DLG2: variants seen among roughly 807,000 people sequenced by gnomAD.
DLG2 encodes the protein disks large homolog 2.
A neutral mutation model predicts 132.5 loss-of-function variants in DLG2; 45 were observed. That is an observed-to-expected ratio of 0.34 (90% CI 0.27 to 0.44). The LOEUF (loss-of-function observed/expected upper bound fraction) is 0.44, where lower values mean the gene tolerates loss of function less well. Ranked by LOEUF, DLG2 falls within the 20% of genes least tolerant of loss-of-function variation. The probability of loss-of-function intolerance (pLI) is 1.00; values close to 1 mark genes in which losing one functional copy is unlikely to be tolerated. For missense variants in DLG2, 1,045 were observed against 1,196.9 expected, an observed-to-expected ratio of 0.87 and a Z score of 1.87; for synonymous variants, 424 against 419.6, an observed-to-expected ratio of 1.01 and a Z score of -0.13.
chr11:85,222,419 A>G (rs2074707775), intron 4 of DLG2, among the ~76,000 whole-genome samples: 1 of 152,100 alleles, frequency 6.6e-6, no homozygotes, highest in Admixed American at 6.6e-5. Flanking sequence ...AAAAACACCC[A>G]CTCTTCTGGA....
chr11:83,624,658 A>G (rs1052500594), intron 19 of DLG2, among the ~76,000 whole-genome samples: 7 of 152,212 alleles, frequency 4.6e-5, no homozygotes, highest in African/African-American at 1.7e-4. Flanking sequence ...ATTCAGTTTA[A>G]CGTCATCCTA....
At chr11:83,974,459 G>A (rs948209533) in intron 12 of DLG2, among the ~76,000 whole-genome samples, 108 of 5,308 alleles carry the variant, frequency 0.02, no homozygotes, top group East Asian at 0.25. Context: ...ACTAGTTTTA[G>A]GTGTTTTGTT....
intron 16 of DLG2, among the ~76,000 whole-genome samples, chr11:83,854,515 G>A (rs768356088): frequency 2.6e-5 from 4 of 151,976 alleles, no homozygotes; most frequent in Non-Finnish European, 5.9e-5. Flanking sequence ...AGACAAACAT[G>A]GTGCTAGAAC....
At chr11:85,268,430 T>C (rs899622421) in intron 4 of DLG2, among the ~76,000 whole-genome samples, 44 of 152,180 alleles carry the variant, frequency 2.9e-4, no homozygotes, top group Admixed American at 8.5e-4. Context: ...ACTTCTTACA[T>C]ATATTGATTG....
At chr11:84,579,974 T>C (rs548395201) in intron 6 of DLG2, among the ~76,000 whole-genome samples, 5 of 152,242 alleles carry the variant, frequency 3.3e-5, no homozygotes, top group East Asian at 3.9e-4. Flanking sequence ...AAGGTGCCAC[T>C]CACCATGAAA....
At chr11:84,794,925 C>A (rs1168147460) in intron 6 of DLG2, among the ~76,000 whole-genome samples, 1 of 152,198 alleles carries the variant, frequency 6.6e-6, no homozygotes, top group Non-Finnish European at 1.5e-5. Flanking sequence ...GTGCCGTGGG[C>A]ACCATCGATA....
At chr11:83,824,255 T>TA (rs1007325007) in intron 17 of DLG2, among the ~76,000 whole-genome samples, 2 of 152,148 alleles carry the variant, frequency 1.3e-5, no homozygotes, top group African/African-American at 4.8e-5. Context: ...CCTTCTTACT[T>TA]CCCCAGGCTG....
chr11:83,586,601 T>C (rs1275256495), intron 19 of DLG2, among the ~76,000 whole-genome samples: 1 of 152,252 alleles, frequency 6.6e-6, no homozygotes, highest in African/African-American at 2.4e-5. Context: ...TCAAAATTAA[T>C]AGCCAGTATT....
chr11:85,334,512 G>A (rs865915686), intron 3 of DLG2, among the ~76,000 whole-genome samples: 1 of 151,942 alleles, frequency 6.6e-6, no homozygotes, highest in African/African-American at 2.4e-5. Context: ...GTTTCTCTAG[G>A]TATAGTGTTA....
intron 19 of DLG2, chr11:83,632,897 A>C (rs2063815554): frequency 3.2e-6 from 1 of 307,858 alleles, no homozygotes; most frequent in African/African-American, 2.1e-5. Context: ...GGTTTGGTCC[A>C]CATATGCCAT....
At chr11:83,890,649 G>A (rs531430666) in intron 15 of DLG2, among the ~76,000 whole-genome samples, 1 of 152,262 alleles carries the variant, frequency 6.6e-6, no homozygotes, top group East Asian at 1.9e-4. Context: ...GTAAATAATA[G>A]TACCTTTTCA....
chr11:84,308,627 C>G (rs1207762718), intron 7 of DLG2, among the ~76,000 whole-genome samples: 4 of 152,178 alleles, frequency 2.6e-5, no homozygotes, highest in Non-Finnish European at 5.9e-5. Context: ...GAGGCTCCGG[C>G]CGCACAGGAG....
intron 7 of DLG2, among the ~76,000 whole-genome samples, chr11:84,371,410 C>A (rs1417762876): frequency 2.6e-5 from 4 of 151,974 alleles, no homozygotes; most frequent in African/African-American, 9.7e-5. Context: ...TGTGCACCAC[C>A]AAGCCTGGCT....
chr11:85,223,600 C>G (rs1256338282), intron 4 of DLG2, among the ~76,000 whole-genome samples: 3 of 152,128 alleles, frequency 2.0e-5, no homozygotes, highest in Non-Finnish European at 2.9e-5. Context: ...AATAATGCCA[C>G]TGCACTCCAG....
chr11:84,486,368 C>T (rs528208598), intron 7 of DLG2, among the ~76,000 whole-genome samples: 1 of 152,226 alleles, frequency 6.6e-6, no homozygotes, highest in African/African-American at 2.4e-5. Context: ...TGGAATAAAT[C>T]ATCATTTTTC....
intron 6 of DLG2, among the ~76,000 whole-genome samples, chr11:84,912,726 G>T (rs2092189423): frequency 6.6e-6 from 1 of 152,118 alleles, no homozygotes; most frequent in African/African-American, 2.4e-5. Context: ...AGCCGTGGAT[G>T]GGAAGTATAG....
intron 6 of DLG2, among the ~76,000 whole-genome samples, chr11:84,791,935 T>A (rs576243891): frequency 2.6e-5 from 4 of 152,286 alleles, no homozygotes; most frequent in Non-Finnish European, 4.4e-5. Flanking sequence ...CTTTCTATTG[T>A]CTGATTGCTG....
At chr11:83,947,296 T>C (rs2514173) in intron 14 of DLG2, among the ~76,000 whole-genome samples, 4 of 152,228 alleles carry the variant, frequency 2.6e-5, no homozygotes, top group Non-Finnish European at 5.9e-5. Flanking sequence ...CTTTTCTTTT[T>C]GCATGACTTT....
chr11:84,201,808 CTTTTTTTTTTTTTT>C (rs58905339), intron 8 of DLG2, among the ~76,000 whole-genome samples: 1 of 64,584 alleles, frequency 1.5e-5, no homozygotes, highest in Admixed American at 2.5e-4. Context: ...AAACTATTTT[CTTTTTTTTTTTTTT>C]TTTTTTTTTT....
Sources: allele counts gnomAD v4.1 joint callset (sites outside exome capture counted in the v4.1 genomes callset), GRCh38; gene constraint gnomAD v4.1.1; transcripts MANE v1.5; gene names NCBI Gene and HGNC (gene_info 2026-07-23, HGNC 2026-07-21).